Variants in RBFOX3 observed in about 807,000 individuals in gnomAD.
The protein encoded by RBFOX3 is RNA binding fox-1 homolog 3, also known as RNA binding protein fox-1 homolog 3.
In RBFOX3, 17 loss-of-function variants were observed where a neutral mutation model predicts 48.7. The ratio of observed to expected loss-of-function variants is 0.35; its 90% CI spans 0.24 to 0.52. The LOEUF (loss-of-function observed/expected upper bound fraction) is 0.52, where lower values mean the gene tolerates loss of function less well. Among genes scored for constraint, RBFOX3 ranks in the 20% least tolerant of loss-of-function variants. The pLI, the probability that RBFOX3 is intolerant of heterozygous loss-of-function variation, is 0.94. For synonymous variants in RBFOX3, 212 were observed against 209.5 expected, an observed-to-expected ratio of 1.01 and a Z score of -0.10; for missense variants, 382 against 497.5, an observed-to-expected ratio of 0.77 and a Z score of 2.21.
chr17:79,541,215 C>G (rs2089648119), intron 1 of RBFOX3, among the ~76,000 whole-genome samples: 1 of 152,082 alleles, frequency 6.6e-6, no homozygotes, highest in Non-Finnish European at 1.5e-5. Context: ...GCCTTCTACC[C>G]CATAATGAAC....
intron 2 of RBFOX3, among the ~76,000 whole-genome samples, chr17:79,347,081 T>C (rs911983549): frequency 1.3e-5 from 2 of 152,220 alleles, no homozygotes; most frequent in African/African-American, 4.8e-5. Context: ...AGAATGGAAG[T>C]TTTACTAGCT....
chr17:79,199,825 C>T lies in RBFOX3; in HGVS notation c.-34+35941G>A, dbSNP rs1047341529. Among the ~76,000 whole-genome samples the T allele has an allele frequency of 2.0e-5, 3 of 152,116 alleles. No individual in the cohort carries two copies. The highest frequency in any genetic ancestry group is 4.4e-5 in the Non-Finnish European group (3 of 68,026). On this transcript the variant is annotated intron_variant, in intron 4 of 14. Transcript: ENST00000693108. The surrounding 1 kb of genome is among the most constrained non-coding windows in gnomAD (Gnocchi z 5.1). ...CAGGAGAGTGTCTATTCTACAGTAC[C>T]GCTCTAAAGCTTCCCACATCTCAGT...
chr17:79,489,882 C>T (rs2080244757), intron 1 of RBFOX3, among the ~76,000 whole-genome samples: 1 of 152,166 alleles, frequency 6.6e-6, no homozygotes, highest in Non-Finnish European at 1.5e-5. Flanking sequence ...AGCCTCTGTA[C>T]CCCGCAAAAC....
At chr17:79,664,306 C>G in the RBFOX3 span, among the ~76,000 whole-genome samples, 1 of 151,346 alleles carries the variant, frequency 6.6e-6, no homozygotes. Context: ...TCCCGAGTAG[C>G]TGGGATTACA....
rs868926110 is a variant in RBFOX3, at chr17:79,463,498, T to C, written c.-175+18956A>G. 5.0e-3 allele frequency among the ~76,000 whole-genome samples: 155 copies of C among 30,950 alleles called. 3 individuals carry two copies. The highest frequency in any genetic ancestry group is 0.026 in the Middle Eastern group (1 of 38). The allele number at this position is 30,950 out of a possible 152,430, so 20.3% of individuals were successfully genotyped here. On this transcript the variant is annotated intron_variant, in intron 2 of 14. Transcript: ENST00000693108. The stretch of plus-strand genomic sequence containing the variant: ...CCTCCACTGCCATCGCCACTGCCAC[T>C]GCCATCGCCACTGCCACCTCCACCA...
At chr17:79,174,827 C>A (rs1173396348) in intron 4 of RBFOX3, among the ~76,000 whole-genome samples, 1 of 152,240 alleles carries the variant, frequency 6.6e-6, no homozygotes, top group African/African-American at 2.4e-5. Flanking sequence ...CTAAGTGAGA[C>A]TGAGGCCTAG....
rs1598877161 is a variant in RBFOX3, at chr17:79,479,763, C to A, written c.-175+2691G>T. On this transcript the variant is annotated intron_variant, in intron 2 of 14. Transcript: ENST00000693108. This position sits in a 1 kb window ranked among gnomAD's most constrained non-coding sequence, Gnocchi z 5.1. ...ACCCACAGAAAGGTGAGGCTGGGCC[C>A]CGCAACCTCCTTCTTGGAGGCAGCA... 6.6e-6 allele frequency among the ~76,000 whole-genome samples: 1 copy of A among 152,188 alleles called. No homozygotes were observed. The highest frequency in any genetic ancestry group is 1.5e-5 in the Non-Finnish European group (1 of 68,042).
chr17:79,167,284 T>C (rs1234965435), intron 4 of RBFOX3, among the ~76,000 whole-genome samples: 1 of 142,234 alleles, frequency 7.0e-6, no homozygotes, highest in Non-Finnish European at 1.5e-5. Flanking sequence ...CTTCCCTTGT[T>C]CTCTCCCCAG....
Position 79,481,606 on chromosome 17 carries a change from G to C in RBFOX3, c.-175+848C>G, listed in dbSNP as rs113467194. Among the ~76,000 whole-genome samples the C allele has an allele frequency of 0.011, 1,631 of 152,284 alleles. 21 individuals carry two copies. Among genetic ancestry groups the C allele is most frequent in the African/African-American group, 0.036 (1,511 of 41,558 alleles). On this transcript the variant is annotated intron_variant, in intron 2 of 14. Transcript: ENST00000693108. The surrounding 1 kb of genome is among the most constrained non-coding windows in gnomAD (Gnocchi z 5.4). ...TCACTCCCCACCTCAGGGGAGCAGA[G>C]AGGGCTAGAGACAGCTCAGTCACGT...
At chr17:79,511,157 C>T (rs1339529139) in intron 1 of RBFOX3, among the ~76,000 whole-genome samples, 5 of 152,158 alleles carry the variant, frequency 3.3e-5, no homozygotes, top group African/African-American at 9.7e-5. Flanking sequence ...TCACGGGAGC[C>T]TCCACCTGGG....
chr17:79,550,750 T>C (rs1420972264), intron 1 of RBFOX3, among the ~76,000 whole-genome samples: 1 of 152,056 alleles, frequency 6.6e-6, no homozygotes, highest in Admixed American at 6.5e-5. Context: ...GATAAGCGGA[T>C]AGGTGGCTGT....
intron 4 of RBFOX3, among the ~76,000 whole-genome samples, chr17:79,210,991 T>C (rs1364745329): frequency 6.6e-6 from 1 of 151,416 alleles, no homozygotes; most frequent in African/African-American, 2.4e-5. Context: ...CAGGAGGAGG[T>C]TGCCTGCAGA....
intron 2 of RBFOX3, among the ~76,000 whole-genome samples, chr17:79,468,965 TGG>T (rs2076702475): frequency 6.8e-6 from 1 of 147,794 alleles, no homozygotes; most frequent in Non-Finnish European, 1.5e-5. Flanking sequence ...GATGGATGGA[TGG>T]ATGGATGGAT....
intron 1 of RBFOX3, among the ~76,000 whole-genome samples, chr17:79,568,976 C>T (rs1302777411): frequency 1.3e-5 from 2 of 152,030 alleles, no homozygotes; most frequent in African/African-American, 4.8e-5. Context: ...TAGGTATCTG[C>T]CTTCTCCTCA....
At chr17:79,451,292 A>C (rs1271460221) in intron 2 of RBFOX3, among the ~76,000 whole-genome samples, 1 of 152,232 alleles carries the variant, frequency 6.6e-6, no homozygotes, top group Non-Finnish European at 1.5e-5. Flanking sequence ...GGCTCAGTCA[A>C]GTGCAGTCAA....
intron 3 of RBFOX3, among the ~76,000 whole-genome samples, chr17:79,251,079 A>T (rs547024491): frequency 3.9e-5 from 6 of 152,174 alleles, no homozygotes; most frequent in African/African-American, 1.4e-4. Flanking sequence ...CTGGAATTAC[A>T]GGTGTGAGCT....
chr17:79,509,252 G>A (rs1015323325), intron 1 of RBFOX3, among the ~76,000 whole-genome samples: 53 of 152,278 alleles, frequency 3.5e-4, no homozygotes, highest in African/African-American at 1.1e-3. Flanking sequence ...CGATAGGAGC[G>A]CCAGAGCCGG....
Position 79,249,676 on chromosome 17 carries a change from C to G in RBFOX3, c.-73-13871G>C, listed in dbSNP as rs1210366518. Among the ~76,000 whole-genome samples the G allele has an allele frequency of 6.7e-6, 1 of 149,602 alleles. No homozygotes were observed. Among genetic ancestry groups the G allele is most frequent in the Non-Finnish European group, 1.5e-5 (1 of 66,714 alleles). On this transcript the variant is annotated intron_variant, in intron 3 of 14. Transcript: ENST00000693108. The surrounding 1 kb of genome is among the most constrained non-coding windows in gnomAD (Gnocchi z 4.1). ...TCCAAACCAGCCAGCCCCAAAACCA[C>G]TTCCCCTGCCTCGCCCGTTCCTTCC...
At chr17:79,280,165 A>G (rs55953327) in intron 3 of RBFOX3, among the ~76,000 whole-genome samples, 1 of 115,134 alleles carries the variant, frequency 8.7e-6, no homozygotes, top group East Asian at 5.9e-4. Flanking sequence ...ACACACACGC[A>G]CACACCACTC....
Sources: gnomAD v4.1 joint callset for allele counts (sites outside exome capture counted in the v4.1 genomes callset) on GRCh38, gnomAD v4.1.1 for gene constraint, Gnocchi (gnomAD v3.1) non-coding constraint, MANE v1.5 for transcripts, NCBI Gene and HGNC (gene_info 2026-07-23, HGNC 2026-07-21) for gene names.